The following TUSC3 variants were observed in gnomAD, a reference collection of about 807,000 sequenced individuals.
TUSC3 encodes the protein dolichyl-diphosphooligosaccharide--protein glycosyltransferase subunit TUSC3.
In TUSC3, 45 loss-of-function variants were observed where a neutral mutation model predicts 44.8. The observed-to-expected ratio is 1.00, with a 90% CI of 0.79 to 1.29. The LOEUF (loss-of-function observed/expected upper bound fraction) is 1.29, where lower values mean the gene tolerates loss of function less well. Ranked by LOEUF, TUSC3 falls within the 50% of genes most tolerant of loss-of-function variation. The pLI, the probability that TUSC3 is intolerant of heterozygous loss-of-function variation, is 0.00. For synonymous variants in TUSC3, 212 were observed against 152.9 expected (o/e 1.39, Z -2.85); for missense variants, 519 against 437.9 (o/e 1.19, Z -1.65).
At chr8:15,460,337 C>T (rs1288740508) in intron 1 of TUSC3, among the ~76,000 whole-genome samples, 1 of 151,932 alleles carries the variant, frequency 6.6e-6, no homozygotes, top group Admixed American at 6.6e-5. Context: ...TGTAAATCTT[C>T]TTTTGAGAAT....
chr8:15,616,359 C>G (rs1804987751), intron 1 of TUSC3, among the ~76,000 whole-genome samples: 2 of 152,028 alleles, frequency 1.3e-5, no homozygotes, highest in Admixed American at 1.3e-4. Context: ...GGGTGGATCA[C>G]CTGAGGTCAG....
the TUSC3 span, among the ~76,000 whole-genome samples, chr8:15,829,514 TAAA>T: frequency 2.0e-5 from 3 of 152,032 alleles, no homozygotes; most frequent in Non-Finnish European, 4.4e-5. Context: ...CAGTTCAACA[TAAA>T]TGAGTCCTTT....
chr8:15,712,198 CT>C (rs1809881567), intron 6 of TUSC3, among the ~76,000 whole-genome samples: 1 of 151,796 alleles, frequency 6.6e-6, no homozygotes, highest in South Asian at 2.1e-4. Context: ...TCTTAGAGGA[CT>C]TTTAAAGATT....
intron 1 of TUSC3, among the ~76,000 whole-genome samples, chr8:15,569,040 T>A (rs961734237): frequency 6.6e-6 from 1 of 152,152 alleles, no homozygotes; most frequent in Non-Finnish European, 1.5e-5. Flanking sequence ...TGCTAAGTCA[T>A]TATTGTGCGG....
At chr8:15,767,726 T>A (rs1363523970), downstream of TUSC3, among the ~76,000 whole-genome samples, 1 of 152,108 alleles carries the variant, frequency 6.6e-6, no homozygotes, top group East Asian at 1.9e-4. Flanking sequence ...GGTCTTGCCT[T>A]CGGTTGACGT....
rs922503029 is a variant in TUSC3, at chr8:15,562,728, T to C, written c.138+22160T>C. Among the ~76,000 whole-genome samples, 6 of 152,134 alleles carry C rather than the reference T, an allele frequency of 3.9e-5. No individual in the cohort carries two copies. The East Asian group carries it at 7.7e-4, about 20-fold the overall frequency. On this transcript the variant is annotated intron_variant, in intron 1 of 10. Coordinates refer to ENST00000503731, the MANE Select transcript of TUSC3 (RefSeq NM_006765.4). ...CCTGCTTGTGTTGCTCTCAGTTCTT[T>C]GCTGCCAACCCCAGGTTCCAGCCAT... is the stretch of plus-strand genomic sequence containing the variant.
chr8:15,742,341 C>A (rs1811232630), intron 7 of TUSC3, among the ~76,000 whole-genome samples: 1 of 138,568 alleles, frequency 7.2e-6, no homozygotes, highest in South Asian at 2.3e-4. Flanking sequence ...GTTTGAAAAA[C>A]CGTTTGTATA....
intron 6 of TUSC3, among the ~76,000 whole-genome samples, chr8:15,688,136 C>T (rs755785541): frequency 2.6e-5 from 4 of 151,448 alleles, no homozygotes; most frequent in Non-Finnish European, 4.4e-5. Context: ...GGAAAGAGTC[C>T]TGTGGTCTTA....
chr8:15,504,790 C>T (rs560268634), intron 2 of TUSC3, among the ~76,000 whole-genome samples: 1 of 150,072 alleles, frequency 6.7e-6, no homozygotes, highest in Non-Finnish European at 1.5e-5. Context: ...GTAGCCGGAA[C>T]TACAGGTGCC....
At chr8:15,833,473 G>T in the TUSC3 span, among the ~76,000 whole-genome samples, 1 of 152,144 alleles carries the variant, frequency 6.6e-6, no homozygotes, top group Non-Finnish European at 1.5e-5. Context: ...GCCCAGCAAC[G>T]GTAGACTGGA....
At chr8:15,736,022 C>A (rs1375879730) in intron 7 of TUSC3, among the ~76,000 whole-genome samples, 2 of 152,070 alleles carry the variant, frequency 1.3e-5, no homozygotes, top group South Asian at 2.1e-4. Flanking sequence ...GCCACCACGC[C>A]CGGCGATATT....
intron 6 of TUSC3, among the ~76,000 whole-genome samples, chr8:15,715,854 T>C (rs963064588): frequency 6.6e-6 from 1 of 152,156 alleles, no homozygotes; most frequent in African/African-American, 2.4e-5. Context: ...CCAAATAATA[T>C]TTCCATGAAA....
intron 1 of TUSC3, among the ~76,000 whole-genome samples, chr8:15,429,051 A>G (rs867925430): frequency 2.6e-5 from 4 of 152,148 alleles, no homozygotes; most frequent in African/African-American, 9.7e-5. Flanking sequence ...GCCCATGCCT[A>G]TGTCCTGAAT....
At chr8:15,521,515 T>A (rs1296372541) in intron 2 of TUSC3, among the ~76,000 whole-genome samples, 2 of 152,118 alleles carry the variant, frequency 1.3e-5, no homozygotes, top group African/African-American at 2.4e-5. Context: ...CATGATCCCA[T>A]CCAGGGTGAC....
intron 2 of TUSC3, among the ~76,000 whole-genome samples, chr8:15,518,056 C>G (rs963396577): frequency 6.6e-6 from 1 of 151,938 alleles, no homozygotes; most frequent in African/African-American, 2.4e-5. Flanking sequence ...CTCCGGTAAC[C>G]AACTATTCCA....
intron 6 of TUSC3, among the ~76,000 whole-genome samples, chr8:15,722,545 A>G (rs962171815): frequency 2.6e-5 from 4 of 151,452 alleles, no homozygotes; most frequent in African/African-American, 9.7e-5. Context: ...TATTCTAGAG[A>G]CTCTCTGAGA....
chr8:15,662,330 G>C (rs370650939), intron 5 of TUSC3, 34 bp downstream of exon 5: 16 of 1,610,928 alleles, frequency 9.9e-6, no homozygotes, highest in Middle Eastern at 1.6e-4. Context: ...TTTATTTCCT[G>C]TTCTTTGTGT....
intron 1 of TUSC3, among the ~76,000 whole-genome samples, chr8:15,556,784 TG>T (rs1393791441): frequency 1.5e-5 from 2 of 132,170 alleles, no homozygotes; most frequent in African/African-American, 5.5e-5. Flanking sequence ...ATGTGTTTTT[TG>T]GCTGCATAAA....
At chr8:15,787,625 A>C in the TUSC3 span, among the ~76,000 whole-genome samples, 3 of 152,334 alleles carry the variant, frequency 2.0e-5, no homozygotes, top group African/African-American at 7.2e-5. Context: ...ATATGGTTCC[A>C]AAAGATGAGA....
Sources: allele counts gnomAD v4.1 joint callset (sites outside exome capture counted in the v4.1 genomes callset), GRCh38; gene constraint gnomAD v4.1.1; transcripts MANE v1.5; gene names NCBI Gene and HGNC (gene_info 2026-07-23, HGNC 2026-07-21).